MYO5B: variants seen among roughly 807,000 people sequenced by gnomAD.
MYO5B encodes unconventional myosin-Vb.
In MYO5B, 143 loss-of-function variants were observed where a neutral mutation model predicts 229.3. The ratio of observed to expected loss-of-function variants is 0.62; its 90% CI spans 0.54 to 0.72. The LOEUF (loss-of-function observed/expected upper bound fraction) is 0.72. Ranked by LOEUF, MYO5B falls within the 30% of genes least tolerant of loss-of-function variation. The probability of loss-of-function intolerance (pLI) is 0.00; values close to 1 mark genes in which losing one functional copy is unlikely to be tolerated. For missense variants in MYO5B, 2,321 were observed against 2,331.0 expected (o/e 1.00, Z 0.09); for synonymous variants, 918 against 885.2 (o/e 1.04, Z -0.66).
chr18:50,060,674 C>T (rs2030665128), intron 1 of MYO5B, among the ~76,000 whole-genome samples: 3 of 152,204 alleles, frequency 2.0e-5, no homozygotes, highest in South Asian at 4.1e-4. Context: ...AAGCTATTCT[C>T]CAACAACCTG....
chr18:50,025,570 C>A (rs1479794845), intron 4 of MYO5B, among the ~76,000 whole-genome samples: 1 of 152,210 alleles, frequency 6.6e-6, no homozygotes, highest in East Asian at 1.9e-4. Context: ...GGCATATGAA[C>A]CTGTTGGTCC....
chr18:49,852,975 T>TG (rs1477318871), intron 31 of MYO5B, among the ~76,000 whole-genome samples: 1 of 152,230 alleles, frequency 6.6e-6, no homozygotes, highest in African/African-American at 2.4e-5. Context: ...TGGCACCTGC[T>TG]GGGGCTCCTT....
At chr18:49,831,336 A>G (rs1319134900) in intron 39 of MYO5B, among the ~76,000 whole-genome samples, 1 of 152,236 alleles carries the variant, frequency 6.6e-6, no homozygotes, top group Non-Finnish European at 1.5e-5. Context: ...AAGACAACCC[A>G]CAGAATGGGA....
Position 49,936,262 on chromosome 18 carries a change from G to A in MYO5B, c.1993C>T (p.Leu665Phe). ...CCAGCAGGCACTTACTGAAAGGGGAGCTTCTCATCGTTGGGCTTGATGCAG... is the reference window on the plus strand; with the variant it reads ...CCAGCAGGCACTTACTGAAAGGGGAACTTCTCATCGTTGGGCTTGATGCAG... ...VRCIKPNDEK[L>F]PFHFDPKRAV... is the part of the protein sequence containing the mutation. Residue 665 changes from leucine to phenylalanine, a missense_variant, in exon 16 of 40, where the codon CTC becomes TTC. Coordinates refer to ENST00000285039, the MANE Select transcript of MYO5B (RefSeq NM_001080467.3). 1.3e-6 allele frequency: 2 copies of A among 1,595,264 alleles called. No individual in the cohort carries two copies. The highest frequency in any genetic ancestry group is 1.1e-5 in the South Asian group (1 of 87,922).
chr18:49,859,301 C>G (rs901555865), intron 29 of MYO5B, among the ~76,000 whole-genome samples: 4 of 152,166 alleles, frequency 2.6e-5, no homozygotes, highest in African/African-American at 9.7e-5. Context: ...TCTTCCAGAT[C>G]TTATAAAAAG....
intron 10 of MYO5B, 148 bp downstream of exon 10, chr18:49,974,202 A>C: frequency 8.6e-7 from 1 of 1,161,348 alleles, no homozygotes. Context: ...CATTGTGTCA[A>C]CTAATCAACT....
intron 4 of MYO5B, among the ~76,000 whole-genome samples, chr18:50,002,468 T>C (rs2026058584): frequency 6.6e-6 from 1 of 152,066 alleles, no homozygotes; most frequent in Non-Finnish European, 1.5e-5. Flanking sequence ...TGGATGTCCC[T>C]AGCAAGCCAT....
At chr18:50,115,598 C>T (rs912068690) in intron 1 of MYO5B, among the ~76,000 whole-genome samples, 6 of 151,338 alleles carry the variant, frequency 4.0e-5, no homozygotes, top group Admixed American at 1.3e-4. Flanking sequence ...TGTCCCTATC[C>T]TCAGAGCTGA....
chr18:49,843,110 G>T, intron 34 of MYO5B, 131 bp downstream of exon 34: 1 of 1,183,848 alleles, frequency 8.4e-7, no homozygotes, highest in Non-Finnish European at 1.2e-6. Flanking sequence ...TGCTTCTGTG[G>T]CTCATTTACC....
intron 14 of MYO5B, among the ~76,000 whole-genome samples, chr18:49,952,550 T>C (rs974198242): frequency 1.3e-5 from 2 of 152,220 alleles, no homozygotes; most frequent in Non-Finnish European, 2.9e-5. Flanking sequence ...GTGCAGACTC[T>C]GTCTTGCTCA....
chr18:49,986,098 A>G (rs2025867551), intron 7 of MYO5B, among the ~76,000 whole-genome samples: 1 of 152,216 alleles, frequency 6.6e-6, no homozygotes, highest in Admixed American at 6.5e-5. Flanking sequence ...TCAATACCCT[A>G]GAACAGCCCC....
intron 1 of MYO5B, among the ~76,000 whole-genome samples, chr18:50,105,569 A>G (rs76424370): frequency 0.041 from 6,172 of 152,218 alleles, 125 homozygotes; most frequent in Non-Finnish European, 0.048. Flanking sequence ...ATAGTGATGG[A>G]GGACAGGTCA....
chr18:50,168,263 C>A (rs1201604841), intron 1 of MYO5B, among the ~76,000 whole-genome samples: 1 of 152,218 alleles, frequency 6.6e-6, no homozygotes, highest in Non-Finnish European at 1.5e-5. Context: ...TTCAACCTCA[C>A]AAGTCAACTT....
At chr18:49,903,360 T>C (rs1042728151) in intron 20 of MYO5B, among the ~76,000 whole-genome samples, 49 of 152,154 alleles carry the variant, frequency 3.2e-4, no homozygotes, top group African/African-American at 1.1e-3. Context: ...AATAAATGTT[T>C]GTGGAATAAA....
At chr18:49,969,625 C>G (rs1211206416) in intron 10 of MYO5B, 1 of 152,128 alleles carries the variant, frequency 6.6e-6, no homozygotes, top group Non-Finnish European at 1.5e-5. Context: ...ACCTGGACAC[C>G]CTCCACCGTT....
chr18:50,002,162 TCTC>T (rs1284702412), intron 4 of MYO5B, among the ~76,000 whole-genome samples: 2 of 152,176 alleles, frequency 1.3e-5, no homozygotes, highest in South Asian at 2.1e-4. Flanking sequence ...GATCTTTTCT[TCTC>T]CTCCTGCATT....
chr18:49,848,262 G>C (rs1012407422), intron 32 of MYO5B, among the ~76,000 whole-genome samples: 11 of 152,160 alleles, frequency 7.2e-5, no homozygotes, highest in African/African-American at 2.7e-4. Context: ...TGATGGGCTG[G>C]AAGGACCCCA....
At chr18:49,855,361 C>A (rs1435960048) in intron 30 of MYO5B, among the ~76,000 whole-genome samples, 3 of 152,198 alleles carry the variant, frequency 2.0e-5, no homozygotes, top group Non-Finnish European at 4.4e-5. Context: ...CGACCAGTGG[C>A]AGGGCTGATT....
chr18:49,894,125 A>G (rs2024749366), intron 22 of MYO5B, among the ~76,000 whole-genome samples: 1 of 152,218 alleles, frequency 6.6e-6, no homozygotes, highest in African/African-American at 2.4e-5. Flanking sequence ...CTGCAGCAGC[A>G]TCCAGCCTGC....
Sources: gnomAD v4.1 joint callset for allele counts (sites outside exome capture counted in the v4.1 genomes callset) on GRCh38, gnomAD v4.1.1 for gene constraint, MANE v1.5 for transcripts, NCBI Gene and HGNC (gene_info 2026-07-23, HGNC 2026-07-21) for gene names.